TSNARE1: variants seen among roughly 807,000 people sequenced by gnomAD.
The protein encoded by TSNARE1 is t-SNARE domain-containing protein 1.
Under a neutral mutation model 62.0 loss-of-function variants are expected in TSNARE1, and 49 were observed. The ratio of observed to expected loss-of-function variants is 0.79; its 90% CI spans 0.63 to 1.00. The LOEUF (loss-of-function observed/expected upper bound fraction) is 1.00, where lower values mean the gene tolerates loss of function less well. TSNARE1 is among the 50% of genes least tolerant of loss of function. TSNARE1 has a pLI of 0.00. For synonymous variants in TSNARE1, 328 were observed against 294.4 expected (o/e 1.11, Z -1.17); for missense variants, 755 against 700.1 (o/e 1.08, Z -0.88).
intron 6 of TSNARE1, among the ~76,000 whole-genome samples, chr8:142,329,019 C>T (rs1171865107): frequency 2.0e-5 from 3 of 152,190 alleles, no homozygotes; most frequent in South Asian, 4.1e-4. Context: ...GAAATGATGG[C>T]GGCCGTGGAT....
rs143733651 is a variant in TSNARE1 at position 142,318,558 on chromosome 8, G to T, written c.970C>A (p.Arg324Ser). The T allele has an allele frequency of 2.5e-6, 4 of 1,612,788 alleles. No individual in the cohort carries two copies. In the African/African-American group the frequency reaches 5.3e-5, roughly 22 times the overall value. Residue 324 changes from arginine (R) to serine (S), a missense_variant, in exon 7 of 14, where the codon CGC (arginine) becomes AGC (serine). Transcript: ENST00000524325. ...CAGGAACATACCGGGCAGGAGCTGC[G>T]CAGCAGCTCGGCCATCTGCTTCACG... ...SSVKQMAELL[R>S]SSCPQERLQQ...
chr8:142,270,277 G>A (rs1386943841), intron 12 of TSNARE1: 3 of 985,386 alleles, frequency 3.0e-6, no homozygotes, highest in Non-Finnish European at 3.6e-6. Context: ...AAGACGCAGG[G>A]AAGTGCCCAG....
At chr8:142,234,539 G>C (rs756154379) in intron 12 of TSNARE1, among the ~76,000 whole-genome samples, 1 of 151,930 alleles carries the variant, frequency 6.6e-6, no homozygotes, top group Non-Finnish European at 1.5e-5. Flanking sequence ...TCAAGATGGC[G>C]CCATGACCCC....
At chr8:142,301,585 T>C (rs528477178) in intron 9 of TSNARE1, among the ~76,000 whole-genome samples, 1 of 152,028 alleles carries the variant, frequency 6.6e-6, no homozygotes, top group Non-Finnish European at 1.5e-5. Context: ...TTCCTTCACC[T>C]TAGGAAGGTG....
chr8:142,349,397 T>C (rs1233804656), intron 2 of TSNARE1, among the ~76,000 whole-genome samples: 1 of 152,240 alleles, frequency 6.6e-6, no homozygotes, highest in South Asian at 2.1e-4. Flanking sequence ...TTTCCAATGC[T>C]TTTATTAGAA....
At chr8:142,332,611 C>A (rs112097795) in intron 4 of TSNARE1, among the ~76,000 whole-genome samples, 4 of 152,244 alleles carry the variant, frequency 2.6e-5, no homozygotes, top group African/African-American at 9.6e-5. Context: ...GACAGCAAGT[C>A]CTCATGAGGA....
At chr8:142,370,186 G>A (rs1835826737) in intron 1 of TSNARE1, among the ~76,000 whole-genome samples, 1 of 152,202 alleles carries the variant, frequency 6.6e-6, no homozygotes, top group African/African-American at 2.4e-5. Flanking sequence ...TTGCAGCCTT[G>A]AGAACTGTGA....
chr8:142,403,473 G>A (rs1419648610), upstream of TSNARE1, among the ~76,000 whole-genome samples: 3 of 152,066 alleles, frequency 2.0e-5, no homozygotes, highest in African/African-American at 7.2e-5. Flanking sequence ...AGGCGCTTCG[G>A]GAGCGGGCTC....
chr8:142,283,101 G>A (rs1169533895), intron 11 of TSNARE1, among the ~76,000 whole-genome samples: 1 of 150,140 alleles, frequency 6.7e-6, no homozygotes, highest in Non-Finnish European at 1.5e-5. Flanking sequence ...ATGAGCAGAG[G>A]GGAGGCCACT....
At position 142,252,316 on chromosome 8, in the gene TSNARE1, GC is replaced by G. The variant is rs546166423; in HGVS notation, c.1446+22464del. Among the ~76,000 whole-genome samples, 6 of 152,216 alleles carry G rather than the reference GC, an allele frequency of 3.9e-5. No homozygotes were observed. In the South Asian group the frequency reaches 6.2e-4, roughly 16 times the overall value. On this transcript the variant is annotated intron_variant, in intron 12 of 13. Transcript: ENST00000524325. Reference sequence around the variant, plus strand: ...TGCGGGTGGGAGGAGGAAGGGCCGGGCCCCCCCGGTACCAGGGCACTGGCTC... The same window carrying G: ...TGCGGGTGGGAGGAGGAAGGGCCGGGCCCCCCGGTACCAGGGCACTGGCTC...
chr8:142,311,294 T>TTTTTTTTTTTTTTTTTTTTTG, intron 9 of TSNARE1, among the ~76,000 whole-genome samples: 2 of 133,942 alleles, frequency 1.5e-5, no homozygotes, highest in East Asian at 2.7e-4. Flanking sequence ...TCTCTAGTTT[T>TTTTTTTTTTTTTTTTTTTTTG]TTTTTTTTTT....
intron 1 of TSNARE1, among the ~76,000 whole-genome samples, chr8:142,395,363 G>A (rs1033091117): frequency 2.0e-5 from 3 of 152,138 alleles, no homozygotes; most frequent in African/African-American, 7.2e-5. Flanking sequence ...GACTCCTGAC[G>A]GCGTCCCCCA....
rs1186921813 is a variant in TSNARE1, at chr8:142,331,789, T to C, written c.788A>G (p.Glu263Gly). Residue 263 changes from glutamate to glycine, a missense_variant, in exon 5 of 14, where the codon GAG (glutamate) becomes GGG (glycine). Coordinates refer to ENST00000524325, the MANE Select transcript of TSNARE1 (RefSeq NM_145003.5). ...GATTCGGAAGACGTTGGCCGACATC[T>C]CCTGGAACAGCTCCTGGAGGTTGCA... is the stretch of plus-strand genomic sequence containing the variant. The part of the protein sequence containing the change: ...DPCNLQELFQ[E>G]MSANVFRINS... 4 of 1,607,628 alleles carry C rather than the reference T, an allele frequency of 2.5e-6. No homozygotes were observed. The African/African-American group carries it at 5.4e-5, about 22-fold the overall frequency.
rs182456241 is a variant in TSNARE1 at position 142,236,641 on chromosome 8, G to A, written c.1447-7062C>T. Among the ~76,000 whole-genome samples, 4 of 152,048 alleles carry A rather than the reference G, an allele frequency of 2.6e-5. No individual in the cohort carries two copies. The East Asian group carries it at 7.8e-4, about 29-fold the overall frequency. ...ATTCAGAAATCCCCAAAGACACCAG[G>A]CTCCCCTAGACCCCACCTCCACACA... On this transcript the variant is annotated intron_variant, in intron 12 of 13. Coordinates refer to ENST00000524325, the MANE Select transcript of TSNARE1 (RefSeq NM_145003.5).
chr8:142,295,709 C>T (rs1824565800), intron 10 of TSNARE1, among the ~76,000 whole-genome samples: 1 of 152,112 alleles, frequency 6.6e-6, no homozygotes, highest in Non-Finnish European at 1.5e-5. Context: ...AGATGCCCAA[C>T]ATAAACCAGT....
intron 12 of TSNARE1, among the ~76,000 whole-genome samples, chr8:142,265,936 G>C (rs1819115523): frequency 6.6e-6 from 1 of 152,192 alleles, no homozygotes; most frequent in African/African-American, 2.4e-5. Context: ...GTTGAAATTA[G>C]AGAGCTTTTT....
chr8:142,348,324 C>A (rs977380114), intron 2 of TSNARE1, among the ~76,000 whole-genome samples: 2 of 152,170 alleles, frequency 1.3e-5, no homozygotes, highest in Non-Finnish European at 2.9e-5. Flanking sequence ...TGTAACACAT[C>A]GTCTCCCTAA....
chr8:142,314,959 C>A (rs769838215), intron 8 of TSNARE1, 44 bp downstream of exon 8: 4 of 1,597,168 alleles, frequency 2.5e-6, no homozygotes, highest in South Asian at 2.2e-5. Flanking sequence ...CGAGGCCGAC[C>A]CCACCTGGCC....
chr8:142,289,415 A>G (rs1165320355), intron 10 of TSNARE1, among the ~76,000 whole-genome samples: 1 of 152,186 alleles, frequency 6.6e-6, no homozygotes, highest in African/African-American at 2.4e-5. Flanking sequence ...CCTGCTCCCC[A>G]GCCTGAGGCT....
Sources: gnomAD v4.1 joint callset for allele counts (sites outside exome capture counted in the v4.1 genomes callset) on GRCh38, gnomAD v4.1.1 for gene constraint, MANE v1.5 for transcripts, NCBI Gene and HGNC (gene_info 2026-07-23, HGNC 2026-07-21) for gene names.